KMT2C: variants seen among roughly 807,000 people sequenced by gnomAD.
KMT2C encodes the protein lysine methyltransferase 2C, also known as histone-lysine N-methyltransferase 2C.
KMT2C carries 88 observed loss-of-function variants against 507.9 expected under a neutral mutation model. That is an observed-to-expected ratio of 0.17 (90% CI 0.15 to 0.21). KMT2C has a LOEUF of 0.21. KMT2C is among the 10% of genes least tolerant of loss of function. The probability of loss-of-function intolerance (pLI) is 1.00; values close to 1 mark genes in which losing one functional copy is unlikely to be tolerated. For synonymous variants in KMT2C, 2,049 were observed against 2,080.8 expected (o/e 0.98, Z 0.42); for missense variants, 4,954 against 5,957.8 (o/e 0.83, Z 5.55).
intron 6 of KMT2C, among the ~76,000 whole-genome samples, chr7:152,298,864 G>C (rs181672307): frequency 1.1e-4 from 16 of 152,178 alleles, no homozygotes; most frequent in African/African-American, 3.9e-4. Flanking sequence ...GTGCACGAGG[G>C]AGGAAAAGAA....
chr7:152,387,704 C>T (rs1281628833), intron 1 of KMT2C, among the ~76,000 whole-genome samples: 1 of 152,172 alleles, frequency 6.6e-6, no homozygotes, highest in Non-Finnish European at 1.5e-5. Context: ...ATCTCCTGAC[C>T]TCGTGATCCG....
intron 6 of KMT2C, among the ~76,000 whole-genome samples, chr7:152,298,913 C>T (rs1165281827): frequency 2.0e-5 from 3 of 152,098 alleles, no homozygotes; most frequent in Non-Finnish European, 4.4e-5. Context: ...ATGAAGTGTA[C>T]AATATTACTT....
intron 1 of KMT2C, among the ~76,000 whole-genome samples, chr7:152,417,048 C>CAA (rs34690030): frequency 1.2e-3 from 80 of 66,980 alleles, no homozygotes; most frequent in African/African-American, 1.7e-3. Flanking sequence ...GACATCATCT[C>CAA]AAAAAAAAAA....
chr7:152,256,873 A>C (rs1403412076), intron 9 of KMT2C, among the ~76,000 whole-genome samples: 1 of 152,184 alleles, frequency 6.6e-6, no homozygotes, highest in Non-Finnish European at 1.5e-5. Flanking sequence ...GTTAGCAAAG[A>C]CGTAAGAAAA....
intron 6 of KMT2C, among the ~76,000 whole-genome samples, chr7:152,290,430 C>T (rs1331088081): frequency 6.7e-6 from 1 of 148,756 alleles, no homozygotes; most frequent in African/African-American, 2.5e-5. Context: ...CTGTCTCGGC[C>T]TCCCCCGTAG....
chr7:152,187,136 TC>T, intron 33 of KMT2C, 125 bp downstream of exon 33: 2 of 695,148 alleles, frequency 2.9e-6, no homozygotes, highest in South Asian at 3.6e-5. Flanking sequence ...ATCTAGGGAA[TC>T]TTCATGTTGT....
At chr7:152,255,996 C>T (rs1176573201) in intron 9 of KMT2C, among the ~76,000 whole-genome samples, 4 of 152,142 alleles carry the variant, frequency 2.6e-5, no homozygotes, top group Non-Finnish European at 5.9e-5. Context: ...TGGCAAAACC[C>T]TATCTCTACT....
In KMT2C at chr7:152,180,032, G is replaced by A; in HGVS notation, c.7244C>T (p.Pro2415Leu). ...CCAGTGTTGAAGAGGCCCTGGATGA[G>A]GCACTGCGGGTGAGTCCTGTGACCC... is the stretch of plus-strand genomic sequence containing the variant. Reference protein sequence around the residue: ...EKGSQDSPAVPHPGPLQHWQP... With the variant: ...EKGSQDSPAVLHPGPLQHWQP... The change falls in exon 37 of 59, where the codon CCT becomes CTT. Residue 2415 changes from proline to leucine, a missense_variant. Pro to Leu is a moderately conservative substitution (Grantham distance 98). This residue lies in a region of KMT2C where 1,689 missense variants were observed against 1,654.3 expected (regional missense o/e 1.02). Coordinates refer to ENST00000262189, the MANE Select transcript of KMT2C (RefSeq NM_170606.3). 1 of 1,614,172 alleles carries A rather than the reference G, an allele frequency of 6.2e-7. No homozygotes were observed. The highest frequency in any genetic ancestry group is 8.5e-7 in the Non-Finnish European group (1 of 1,180,024).
chr7:152,299,143 C>T (rs1245206399), intron 6 of KMT2C, among the ~76,000 whole-genome samples: 1 of 151,816 alleles, frequency 6.6e-6, no homozygotes, highest in South Asian at 2.1e-4. Flanking sequence ...CATGGTGAAA[C>T]CCCGTCTCTA....
Position 152,136,917 on chromosome 7 carries a change from T to C in KMT2C, c.14651A>G (p.Tyr4884Cys), listed in dbSNP as rs748426014. ...RRIQKGEELC[Y>C]DYKFDFEDDQ... ...ATCTTCAAAGTCAAACTTATAGTCA[T>C]AGCAGAGCTGCCCACGGCAAAGACA... The change falls in exon 59 of 59, where the codon TAT becomes TGT. Residue 4884 changes from tyrosine to cysteine, a missense_variant. This residue lies in a region of KMT2C where 133 missense variants were observed against 258.9 expected (regional missense o/e 0.51). Transcript: ENST00000262189. The C allele has an allele frequency of 6.2e-7, 1 of 1,612,270 alleles. No individual in the cohort carries two copies. Among genetic ancestry groups the C allele is most frequent in the Non-Finnish European group, 8.5e-7 (1 of 1,179,674 alleles).
intron 18 of KMT2C, among the ~76,000 whole-genome samples, chr7:152,228,847 T>C (rs1174261685): frequency 6.6e-6 from 1 of 152,188 alleles, no homozygotes; most frequent in East Asian, 1.9e-4. Context: ...ATACTCTGTG[T>C]TTTTCAGTCA....
At chr7:152,257,186 T>G (rs561299431) in intron 9 of KMT2C, among the ~76,000 whole-genome samples, 2 of 152,262 alleles carry the variant, frequency 1.3e-5, no homozygotes, top group South Asian at 2.1e-4. Flanking sequence ...AAAAGGAGAA[T>G]GAGATCTCTT....
chr7:152,314,462 T>C (rs991506115), intron 4 of KMT2C, among the ~76,000 whole-genome samples: 37 of 151,752 alleles, frequency 2.4e-4, no homozygotes, highest in African/African-American at 7.5e-4. Flanking sequence ...TATTTTAAAC[T>C]ATATCAGACA....
intron 1 of KMT2C, among the ~76,000 whole-genome samples, chr7:152,411,695 C>T (rs2097686331): frequency 6.6e-6 from 1 of 152,210 alleles, no homozygotes; most frequent in Admixed American, 6.5e-5. Flanking sequence ...TTAGTAACCA[C>T]TTACAAGAAC....
At chr7:152,256,094 C>T (rs1588638018) in intron 9 of KMT2C, among the ~76,000 whole-genome samples, 1 of 152,038 alleles carries the variant, frequency 6.6e-6, no homozygotes. Context: ...CACTTGAACC[C>T]GCGAGGGGGA....
intron 2 of KMT2C, among the ~76,000 whole-genome samples, chr7:152,348,462 G>A (rs2097080759): frequency 6.6e-6 from 1 of 151,058 alleles, no homozygotes; most frequent in Admixed American, 6.6e-5. Context: ...AGCCAGGCAT[G>A]GTGGCAGGTG....
Position 152,315,201 on chromosome 7 carries a change from T to C in KMT2C, c.527A>G (p.Asn176Ser), listed in dbSNP as rs1365230259. The change falls in exon 4 of 59, where the codon AAC becomes AGC. Residue 176 changes from asparagine to serine, a missense_variant. Asn to Ser is a conservative substitution (Grantham distance 46). This residue lies in a region of KMT2C where 233 missense variants were observed against 263.6 expected (regional missense o/e 0.88). Coordinates refer to ENST00000262189, the MANE Select transcript of KMT2C (RefSeq NM_170606.3). Reference sequence around the variant, plus strand: ...CATTTTCTCATAGGTTCCATTGCTGTTGTCATCAATGTCCTTCTTGTTAGA... The same window carrying C: ...CATTTTCTCATAGGTTCCATTGCTGCTGTCATCAATGTCCTTCTTGTTAGA... Reference protein sequence around the residue: ...QPSNKKDIDDNSNGTYEKMQN... With the variant: ...QPSNKKDIDDSSNGTYEKMQN... 1.2e-6 allele frequency: 2 copies of C among 1,613,960 alleles called. No homozygotes were observed. Among genetic ancestry groups the C allele is most frequent in the East Asian group, 4.5e-5 (2 of 44,842 alleles).
rs560853000 is a variant in KMT2C, at chr7:152,384,044, C to CTGTGTGTGTGTGTG, written c.162-25370_162-25369insCACACACACACACA. 3.3e-5 allele frequency among the ~76,000 whole-genome samples: 5 copies of CTGTGTGTGTGTGTG among 149,884 alleles called. No homozygotes were observed. The South Asian group carries it at 8.4e-4, about 25-fold the overall frequency. ...AGATCCGAGAGGCAGACATGTGTGT[C>CTGTGTGTGTGTGTG]TGTGTGTGTGTGCGTGTGTGTAGGC... On this transcript the variant is annotated intron_variant, in intron 1 of 58. Coordinates refer to ENST00000262189, the MANE Select transcript of KMT2C (RefSeq NM_170606.3).
In KMT2C at chr7:152,136,943, C is replaced by G; in HGVS notation, c.14644-19G>C. The G allele has an allele frequency of 6.3e-7, 1 of 1,594,964 alleles. No homozygotes were observed. The highest frequency in any genetic ancestry group is 8.6e-7 in the Non-Finnish European group (1 of 1,166,050). ...AGCAGAGCTGCCCACGGCAAAGACA[C>G]AGGGTAAGAAAGGACAGCAAGGAAG... is the stretch of plus-strand genomic sequence containing the variant. On this transcript the variant is annotated intron_variant, in intron 58 of 58. Transcript: ENST00000262189.
Sources: gnomAD v4.1 joint callset for allele counts (sites outside exome capture counted in the v4.1 genomes callset) on GRCh38, gnomAD v4.1.1 for gene constraint, gnomAD v4.1.1 regional missense constraint, MANE v1.5 for transcripts, NCBI Gene and HGNC (gene_info 2026-07-23, HGNC 2026-07-21) for gene names.